The following HRH4 variants were observed in gnomAD, a reference collection of about 807,000 sequenced individuals.
HRH4 encodes the protein histamine receptor H4.
Under a neutral mutation model 10.4 loss-of-function variants are expected in HRH4, and 12 were observed. The observed-to-expected ratio is 1.15, with a 90% CI of 0.74 to 1.87. HRH4 has a LOEUF of 1.87. Ranked by LOEUF, HRH4 falls within the 40% of genes most tolerant of loss-of-function variation. The pLI is 0.00. For missense variants in HRH4, 415 were observed against 453.3 expected, an observed-to-expected ratio of 0.92 and a Z score of 0.77; for synonymous variants, 154 against 166.6, an observed-to-expected ratio of 0.92 and a Z score of 0.58.
At position 24,476,759 on chromosome 18, in the gene HRH4, A is replaced by G; in HGVS notation, c.370A>G (p.Thr124Ala). Residue 124 changes from threonine (T) to alanine (A), a missense_variant, in exon 3 of 3, where the codon ACT (threonine) becomes GCT (alanine). Physicochemically the swap from Thr to Ala is moderately conservative, Grantham distance 58. Transcript: ENST00000256906. ...TGGTTTCTTCTAGGTGTCTTATAGA[A>G]CTCAACATACTGGGGTCTTGAAGAT... ...LSVSNAVSYRTQHTGVLKIVT... is the reference protein window; with the variant it reads ...LSVSNAVSYRAQHTGVLKIVT... The G allele has an allele frequency of 1.2e-6, 2 of 1,613,462 alleles. No homozygotes were observed. The highest frequency in any genetic ancestry group is 2.2e-5 in the South Asian group (2 of 91,064).
In HRH4 at chr18:24,477,232, A is replaced by G. The variant is rs1338689960; in HGVS notation, c.843A>G (p.Gln281=). 1.4e-5 allele frequency: 22 copies of G among 1,614,212 alleles called. No individual in the cohort carries two copies. Among genetic ancestry groups the G allele is most frequent in the East Asian group, 1.1e-4 (5 of 44,888 alleles). Reference sequence around the variant, plus strand: ...CTTCCAAAATGGGTTCCTTCTCCCAATCAGATTCTGTAGCTCTTCACCAAA... The same window carrying G: ...CTTCCAAAATGGGTTCCTTCTCCCAGTCAGATTCTGTAGCTCTTCACCAAA... The part of the protein sequence containing the change: ...TIASKMGSFS[Q]SDSVALHQRE... The change falls in exon 3 of 3, where the codon CAA becomes CAG. Residue 281 remains glutamine, a synonymous_variant. Transcript: ENST00000256906.
At chr18:24,463,022 C>T (rs546503570) in intron 1 of HRH4, among the ~76,000 whole-genome samples, 2 of 152,204 alleles carry the variant, frequency 1.3e-5, no homozygotes, top group African/African-American at 4.8e-5. Flanking sequence ...GGAGTGAGGC[C>T]CTGACTGCCC....
At chr18:24,463,467 C>G (rs1909692928) in intron 1 of HRH4, among the ~76,000 whole-genome samples, 1 of 152,218 alleles carries the variant, frequency 6.6e-6, no homozygotes, top group Admixed American at 6.5e-5. Flanking sequence ...GTTCTTTCTC[C>G]TTTGCCATGC....
Position 24,460,873 on chromosome 18 carries a change from C to G in HRH4, c.145C>G (p.Arg49Gly), listed in dbSNP as rs765269581. Residue 49 changes from arginine (R) to glycine (G), a missense_variant, in exon 1 of 3, where the codon CGA becomes GGA. Physicochemically the swap from Arg to Gly is moderately radical, Grantham distance 125. Coordinates refer to ENST00000256906, the MANE Select transcript of HRH4 (RefSeq NM_021624.4). ...AFVVDKNLRH[R>G]SSYFFLNLAI... ...TGTGGTGGACAAAAACCTTAGACAT[C>G]GAAGTAGTTATTTTTTTCTTAACTT... 1.5e-5 allele frequency: 24 copies of G among 1,586,872 alleles called. No individual in the cohort carries two copies. Among genetic ancestry groups the G allele is most frequent in the Non-Finnish European group, 2.1e-5 (24 of 1,160,724 alleles).
intron 1 of HRH4, among the ~76,000 whole-genome samples, chr18:24,468,158 T>C (rs1909827226): frequency 6.6e-6 from 1 of 152,150 alleles, no homozygotes; most frequent in African/African-American, 2.4e-5. Flanking sequence ...TAAAATGCTG[T>C]AGTATTTCCA....
intron 2 of HRH4, among the ~76,000 whole-genome samples, chr18:24,476,020 A>G (rs1568099200): frequency 6.6e-6 from 1 of 152,184 alleles, no homozygotes; most frequent in Non-Finnish European, 1.5e-5. Context: ...CAAATAAAAT[A>G]AAATAAAAAC....
chr18:24,460,958 G>A (rs747156643), intron 1 of HRH4, 37 bp downstream of exon 1: 19 of 1,326,604 alleles, frequency 1.4e-5, no homozygotes, highest in South Asian at 1.6e-5. Flanking sequence ...AGTCTTTTCC[G>A]ATTTTAATTT....
At chr18:24,465,054 AG>A (rs1055247493) in intron 1 of HRH4, among the ~76,000 whole-genome samples, 37 of 152,198 alleles carry the variant, frequency 2.4e-4, no homozygotes, top group African/African-American at 8.7e-4. Flanking sequence ...TGAGAGGCCA[AG>A]GTGGGTGGAT....
At chr18:24,464,261 G>A (rs2144366040) in intron 1 of HRH4, among the ~76,000 whole-genome samples, 1 of 152,306 alleles carries the variant, frequency 6.6e-6, no homozygotes, top group Admixed American at 6.5e-5. Flanking sequence ...GATGAGGGCT[G>A]TCTTTCTGGC....
At chr18:24,471,496 A>G (rs577525902) in intron 2 of HRH4, among the ~76,000 whole-genome samples, 1 of 150,336 alleles carries the variant, frequency 6.7e-6, no homozygotes, top group East Asian at 2.0e-4. Context: ...AATCCCAGCT[A>G]CTTGGGAGGC....
At chr18:24,466,841 AT>A (rs1909790254) in intron 1 of HRH4, among the ~76,000 whole-genome samples, 1 of 152,238 alleles carries the variant, frequency 6.6e-6, no homozygotes, top group Non-Finnish European at 1.5e-5. Flanking sequence ...TTAATAGATC[AT>A]ATTCTTAGCA....
chr18:24,466,568 T>G (rs951386608), intron 1 of HRH4, among the ~76,000 whole-genome samples: 2 of 152,134 alleles, frequency 1.3e-5, no homozygotes, highest in Non-Finnish European at 2.9e-5. Flanking sequence ...ACCACGCAAC[T>G]CTTCATCTCT....
At chr18:24,468,280 G>T (rs1909831436) in intron 1 of HRH4, among the ~76,000 whole-genome samples, 3 of 152,170 alleles carry the variant, frequency 2.0e-5, no homozygotes, top group Admixed American at 1.3e-4. Flanking sequence ...GTCCTGAAGT[G>T]ATCCACCCAC....
intron 1 of HRH4, among the ~76,000 whole-genome samples, chr18:24,461,471 G>A (rs908290892): frequency 3.9e-5 from 6 of 151,982 alleles, no homozygotes; most frequent in African/African-American, 7.3e-5. Flanking sequence ...TTATATCATC[G>A]TTAAGAGACC....
chr18:24,467,966 G>A (rs908497880), intron 1 of HRH4, among the ~76,000 whole-genome samples: 6 of 152,116 alleles, frequency 3.9e-5, no homozygotes, highest in African/African-American at 1.2e-4. Flanking sequence ...TCCTGTTGGG[G>A]TTAGAGCATG....
intron 1 of HRH4, among the ~76,000 whole-genome samples, chr18:24,464,555 G>A (rs1011851521): frequency 3.9e-5 from 6 of 152,048 alleles, no homozygotes; most frequent in South Asian, 2.1e-4. Context: ...TTCCTCTGGC[G>A]GCCCAAAGGA....
At chr18:24,460,950 T>C (rs1471400794) in intron 1 of HRH4, 29 bp downstream of exon 1, 1 of 1,358,282 alleles carries the variant, frequency 7.4e-7, no homozygotes, top group Non-Finnish European at 1.0e-6. Context: ...TTTAAGACAG[T>C]CTTTTCCGAT....
chr18:24,461,802 C>A (rs1909648689), intron 1 of HRH4, among the ~76,000 whole-genome samples: 1 of 148,166 alleles, frequency 6.7e-6, no homozygotes, highest in Non-Finnish European at 1.5e-5. Context: ...AGATATGGGT[C>A]AACCCCAATC....
rs540721568 is a variant in HRH4 at position 24,464,989 on chromosome 18, GAA to G, written c.194-3797_194-3796del. On this transcript the variant is annotated intron_variant, in intron 1 of 2. Transcript: ENST00000256906. ...AAACCTTGGAGCTAGAATTTACTGA[GAA>G]AGACACATTTGAAGCCTGGGCGTGG... 2.8e-4 allele frequency among the ~76,000 whole-genome samples: 43 copies of G among 152,128 alleles called. No individual in the cohort carries two copies. In the East Asian group the frequency reaches 8.2e-3, roughly 29 times the overall value.
Sources: allele counts gnomAD v4.1 joint callset (sites outside exome capture counted in the v4.1 genomes callset), GRCh38; gene constraint gnomAD v4.1.1; transcripts MANE v1.5; gene names NCBI Gene and HGNC (gene_info 2026-07-23, HGNC 2026-07-21).